OLAH: variants seen among roughly 807,000 people sequenced by gnomAD.
The protein encoded by OLAH is S-acyl fatty acid synthase thioesterase, medium chain.
A neutral mutation model predicts 27.8 loss-of-function variants in OLAH; 33 were observed. That is an observed-to-expected ratio of 1.19 (90% CI 0.90 to 1.59). The LOEUF (loss-of-function observed/expected upper bound fraction) is 1.59. Ranked by LOEUF, OLAH falls within the 40% of genes most tolerant of loss-of-function variation. OLAH has a pLI of 0.00. For missense variants in OLAH, 359 were observed against 310.8 expected, an observed-to-expected ratio of 1.16 and a Z score of -1.17; for synonymous variants, 120 against 102.9, an observed-to-expected ratio of 1.17 and a Z score of -1.01.
At chr10:15,070,865 A>C (rs930483847) in intron 6 of OLAH, among the ~76,000 whole-genome samples, 2 of 147,332 alleles carry the variant, frequency 1.4e-5, no homozygotes, top group Non-Finnish European at 3.0e-5. Context: ...AGCTCACTGC[A>C]GCCTTGACCT....
intron 3 of OLAH, 55 bp downstream of exon 3, chr10:15,049,820 G>A (rs897548509): frequency 2.0e-6 from 3 of 1,529,010 alleles, no homozygotes; most frequent in Non-Finnish European, 2.6e-6. Flanking sequence ...TGACATAAAT[G>A]TATTAGAATT....
upstream of OLAH, chr10:15,043,905 C>T (rs977126399): frequency 1.3e-5 from 2 of 152,200 alleles, no homozygotes; most frequent in African/African-American, 4.8e-5. Flanking sequence ...TACCTCATTT[C>T]CTGTGTCCTC....
At chr10:15,046,985 G>T in intron 1 of OLAH, 141 bp from the exon 2 acceptor site, 1 of 274,104 alleles carries the variant, frequency 3.6e-6, no homozygotes, top group Non-Finnish European at 6.9e-6. Flanking sequence ...GGTGGGATGG[G>T]GGTGGTGACT....
rs914523284 is a variant in OLAH, at chr10:15,062,783, C to T, written c.302+921C>T. Among the ~76,000 whole-genome samples, 9 of 150,672 alleles carry T rather than the reference C, an allele frequency of 6.0e-5. No individual in the cohort carries two copies. In the East Asian group the frequency reaches 1.4e-3, roughly 23 times the overall value. On this transcript the variant is annotated intron_variant, in intron 4 of 7. Transcript: ENST00000378228. ...AGACAGAGTCTCACTGTGTCACCCACGCTGGAGTGCAGTGGCACGATCTCA... is the reference window on the plus strand; with the variant it reads ...AGACAGAGTCTCACTGTGTCACCCATGCTGGAGTGCAGTGGCACGATCTCA...
chr10:15,033,572 A>G (rs1843791822), intron 1 of OLAH, among the ~76,000 whole-genome samples: 1 of 152,168 alleles, frequency 6.6e-6, no homozygotes, highest in South Asian at 2.1e-4. Flanking sequence ...TGCTGCTATA[A>G]CAGGTTACCC....
At position 15,072,706 on chromosome 10, in the gene OLAH, A is replaced by G. The variant is rs547629042; in HGVS notation, c.656-381A>G. Among the ~76,000 whole-genome samples, 3 of 150,646 alleles carry G rather than the reference A, an allele frequency of 2.0e-5. No individual in the cohort carries two copies. In the South Asian group the frequency reaches 6.3e-4, roughly 32 times the overall value. On this transcript the variant is annotated intron_variant, in intron 7 of 7. Transcript: ENST00000378228. ...GAGGGGAGGCTTTCTTGGGGCAGAC[A>G]TCTTTCTGGCGGCCGGAAGCAAGGT...
intron 2 of OLAH, among the ~76,000 whole-genome samples, chr10:15,048,272 C>T (rs1411441380): frequency 1.3e-5 from 2 of 152,074 alleles, no homozygotes; most frequent in Non-Finnish European, 2.9e-5. Flanking sequence ...GGCTGGAGAG[C>T]GGTGGTGCGA....
chr10:15,044,991 T>G (rs1452693982), intron 1 of OLAH, among the ~76,000 whole-genome samples: 1 of 152,214 alleles, frequency 6.6e-6, no homozygotes, highest in Non-Finnish European at 1.5e-5. Flanking sequence ...CCATTATCTC[T>G]GGAGTATTGT....
intron 1 of OLAH, among the ~76,000 whole-genome samples, chr10:15,033,819 C>A (rs1033380299): frequency 2.0e-5 from 3 of 152,082 alleles, no homozygotes; most frequent in African/African-American, 7.2e-5. Context: ...GGCATTAATC[C>A]CACCCATGAA....
At chr10:15,066,217 G>C (rs1844463956) in intron 6 of OLAH, among the ~76,000 whole-genome samples, 1 of 148,056 alleles carries the variant, frequency 6.8e-6, no homozygotes. Flanking sequence ...CTCCAGCCTG[G>C]CCAACAGAGT....
At chr10:15,037,123 C>A (rs1189057836) in intron 1 of OLAH, among the ~76,000 whole-genome samples, 3 of 150,706 alleles carry the variant, frequency 2.0e-5, no homozygotes, top group African/African-American at 7.3e-5. Flanking sequence ...GTCTTGAAAT[C>A]GGCTGGAGCA....
chr10:15,048,872 C>A lies in OLAH; in HGVS notation c.33-763C>A, dbSNP rs368731066. The stretch of plus-strand genomic sequence containing the variant: ...ATCCCAGCACTTTGGGAGGCCGAGG[C>A]GGGCGGATCACCTGAGGTTGGGAGG... On this transcript the variant is annotated intron_variant, in intron 2 of 7. Transcript: ENST00000378228. Among the ~76,000 whole-genome samples the A allele has an allele frequency of 5.9e-5, 9 of 152,014 alleles. No individual in the cohort carries two copies. The East Asian group carries it at 1.4e-3, about 23-fold the overall frequency.
rs1378762543 is a variant in OLAH, at chr10:15,073,514, GCCGGGCGTGGTGGTGGGCA to G, written c.*288_*306del. 1 of 241,662 alleles carries G rather than the reference GCCGGGCGTGGTGGTGGGCA, an allele frequency of 4.1e-6. No homozygotes were observed. Among genetic ancestry groups the G allele is most frequent in the Non-Finnish European group, 8.0e-6 (1 of 124,936 alleles). 15.0% of individuals were successfully genotyped at this position (241,662 alleles called of 1,614,324 possible). A position where few individuals can be genotyped will look rare whatever the true frequency, so the allele number is the denominator to read the frequency against. ...TCTCTACTAAAAATACACAAAATTA[GCCGGGCGTGGTGGTGGGCA>G]CCTGTAGTCCCAGCTACTCGGGAGG... On this transcript the variant is annotated 3_prime_UTR_variant, in exon 8 of 8. Coordinates refer to ENST00000378228, the MANE Select transcript of OLAH (RefSeq NM_001039702.3).
At chr10:15,047,384 G>A (rs1025046483) in intron 2 of OLAH, 64 bp downstream of exon 2, 2 of 1,495,726 alleles carry the variant, frequency 1.3e-6, no homozygotes, top group Admixed American at 1.8e-5. Flanking sequence ...CCCTGCCTTT[G>A]TACGGCTCCC....
intron 7 of OLAH, 59 bp from the exon 8 acceptor site, chr10:15,073,028 G>A: frequency 6.6e-7 from 1 of 1,516,592 alleles, no homozygotes; most frequent in Non-Finnish European, 9.1e-7. Context: ...ATGATGTCTT[G>A]ATGTGAATCT....
intron 6 of OLAH, chr10:15,068,188 T>G (rs1589253454): frequency 6.6e-6 from 1 of 152,280 alleles, no homozygotes; most frequent in Admixed American, 6.5e-5. Context: ...TCTCTTCTGG[T>G]TTTTACCTTT....
chr10:15,034,112 T>TTC (rs575647265), intron 1 of OLAH, among the ~76,000 whole-genome samples: 8 of 107,638 alleles, frequency 7.4e-5, no homozygotes, highest in Admixed American at 3.6e-4. Context: ...ATTTTTTTTT[T>TTC]TTCTTTTTTT....
intron 3 of OLAH, among the ~76,000 whole-genome samples, chr10:15,051,459 C>T (rs1313358121): frequency 6.6e-6 from 1 of 152,216 alleles, no homozygotes; most frequent in Non-Finnish European, 1.5e-5. Context: ...GGCTGCAAGC[C>T]TTGCAGGTGA....
At chr10:15,061,923 A>G (rs1310674177) in intron 4 of OLAH, 61 bp downstream of exon 4, 6 of 1,521,330 alleles carry the variant, frequency 3.9e-6, no homozygotes, top group Non-Finnish European at 5.4e-6. Context: ...GTTTGAGGTT[A>G]ATGTTATTCT....
Sources: gnomAD v4.1 joint callset for allele counts (sites outside exome capture counted in the v4.1 genomes callset) on GRCh38, gnomAD v4.1.1 for gene constraint, MANE v1.5 for transcripts, NCBI Gene and HGNC (gene_info 2026-07-23, HGNC 2026-07-21) for gene names.